The following STON2 variants were observed in gnomAD, a reference collection of about 807,000 sequenced individuals.
The protein encoded by STON2 is stonin 2, also known as stonin-2.
STON2 carries 29 observed loss-of-function variants against 65.7 expected under a neutral mutation model. That is an observed-to-expected ratio of 0.44 (90% CI 0.33 to 0.60). The LOEUF (loss-of-function observed/expected upper bound fraction) is 0.60. Among genes scored for constraint, STON2 ranks in the 20% least tolerant of loss-of-function variants. The probability of loss-of-function intolerance (pLI) is 0.03; values close to 1 mark genes in which losing one functional copy is unlikely to be tolerated. For missense variants in STON2, 1,054 were observed against 1,118.1 expected (o/e 0.94, Z 0.82); for synonymous variants, 404 against 414.2 (o/e 0.98, Z 0.30).
At chr14:81,316,425 T>C (rs562790347) in intron 5 of STON2, among the ~76,000 whole-genome samples, 3 of 152,310 alleles carry the variant, frequency 2.0e-5, no homozygotes, top group South Asian at 2.1e-4. Context: ...GATTTCCTTT[T>C]TTCCCATGGA....
intron 1 of STON2, among the ~76,000 whole-genome samples, chr14:81,428,878 G>A (rs1399620527): frequency 6.6e-6 from 1 of 152,216 alleles, no homozygotes; most frequent in Non-Finnish European, 1.5e-5. Context: ...GGACTATCAA[G>A]CTGGCAATGG....
At chr14:81,395,685 A>G (rs1900279208) in intron 3 of STON2, 6 of 586,566 alleles carry the variant, frequency 1.0e-5, no homozygotes, top group Non-Finnish European at 1.8e-5. Context: ...GAAATGTCCT[A>G]GAACACATAC....
chr14:81,435,726 C>T (rs1486478987), intron 1 of STON2, among the ~76,000 whole-genome samples: 1 of 152,070 alleles, frequency 6.6e-6, no homozygotes, highest in Non-Finnish European at 1.5e-5. Context: ...CACGCACTCT[C>T]ATCTTCAACT....
chr14:81,398,358 C>T lies in STON2; in HGVS notation c.25G>A (p.Ala9Thr), dbSNP rs1445689027. Residue 9 changes from alanine to threonine, a missense_variant, in exon 2 of 8, where the codon GCC becomes ACC. Physicochemically the swap from Ala to Thr is moderately conservative, Grantham distance 58. Coordinates refer to ENST00000614646, the MANE Select transcript of STON2 (RefSeq NM_001394390.1). ...GAGACCCATTCTGACTGGTGGGTGG[C>T]AATCACATGGTCCAAAGTCGTCATG... MTTLDHVI[A>T]THQSEWVSFN... 3.7e-6 allele frequency: 6 copies of T among 1,613,860 alleles called. No homozygotes were observed. Among genetic ancestry groups the T allele is most frequent in the Non-Finnish European group, 5.1e-6 (6 of 1,179,966 alleles).
chr14:81,378,852 A>C (rs887382914), intron 3 of STON2, among the ~76,000 whole-genome samples: 1 of 152,244 alleles, frequency 6.6e-6, no homozygotes, highest in Non-Finnish European at 1.5e-5. Flanking sequence ...CATAGTATAG[A>C]AAAAGCACTA....
At chr14:81,300,036 A>G (rs1895911467) in intron 5 of STON2, among the ~76,000 whole-genome samples, 1 of 152,172 alleles carries the variant, frequency 6.6e-6, no homozygotes, top group African/African-American at 2.4e-5. Context: ...GTAGGACTCA[A>G]AACTACCAAA....
chr14:81,407,687 T>C (rs1394411140), intron 2 of STON2, among the ~76,000 whole-genome samples: 3 of 152,196 alleles, frequency 2.0e-5, no homozygotes, highest in Non-Finnish European at 4.4e-5. Flanking sequence ...CTCAGTTTTC[T>C]CTTGAATAAG....
chr14:81,288,243 T>C (rs1354711880), intron 5 of STON2, among the ~76,000 whole-genome samples: 1 of 152,262 alleles, frequency 6.6e-6, no homozygotes, highest in Non-Finnish European at 1.5e-5. Context: ...TCGCCATTGT[T>C]GGTTAATGAC....
intron 2 of STON2, among the ~76,000 whole-genome samples, chr14:81,424,310 G>A (rs1257911806): frequency 6.6e-6 from 1 of 152,060 alleles, no homozygotes; most frequent in Non-Finnish European, 1.5e-5. Context: ...TGGGAGTGGT[G>A]GCGCACACCT....
chr14:81,373,784 G>A (rs1355772534), intron 3 of STON2, among the ~76,000 whole-genome samples: 2 of 152,138 alleles, frequency 1.3e-5, no homozygotes, highest in Non-Finnish European at 2.9e-5. Context: ...TCCACCCTTA[G>A]CTGAAGATAG....
intron 1 of STON2, among the ~76,000 whole-genome samples, chr14:81,429,165 A>T (rs939547082): frequency 1.3e-5 from 2 of 152,216 alleles, no homozygotes; most frequent in African/African-American, 4.8e-5. Context: ...GAGTAGGAGA[A>T]ATCCTATCTA....
chr14:81,292,617 C>G (rs1170285526), intron 5 of STON2, among the ~76,000 whole-genome samples: 1 of 152,132 alleles, frequency 6.6e-6, no homozygotes, highest in Non-Finnish European at 1.5e-5. Context: ...GGTTCCCCTT[C>G]CATCATGTTT....
intron 6 of STON2, among the ~76,000 whole-genome samples, chr14:81,271,424 T>G (rs1299572191): frequency 6.6e-6 from 1 of 152,214 alleles, no homozygotes; most frequent in Non-Finnish European, 1.5e-5. Flanking sequence ...TATGGAACAC[T>G]GGACAAAACA....
In STON2 at chr14:81,344,614, CAT is replaced by C. The variant is rs574304972; in HGVS notation, c.572-20429_572-20428del. On this transcript the variant is annotated intron_variant, in intron 4 of 7. Coordinates refer to ENST00000614646, the MANE Select transcript of STON2 (RefSeq NM_001394390.1). ...CACTGCAGTACTGTACACACAGCCA[CAT>C]GTCTAATTACTTCCTTGGGATAAAC... 1.6e-3 allele frequency among the ~76,000 whole-genome samples: 244 copies of C among 152,298 alleles called. 1 individual carries two copies. Among genetic ancestry groups the C allele is most frequent in the African/African-American group, 5.5e-3 (229 of 41,556 alleles).
chr14:81,414,763 C>G (rs1468025974), intron 2 of STON2, among the ~76,000 whole-genome samples: 1 of 151,882 alleles, frequency 6.6e-6, no homozygotes, highest in Non-Finnish European at 1.5e-5. Context: ...GACACCGCAG[C>G]CCATTTAATA....
chr14:81,399,390 C>G (rs1276442644), intron 1 of STON2, among the ~76,000 whole-genome samples: 2 of 152,184 alleles, frequency 1.3e-5, no homozygotes, highest in Non-Finnish European at 2.9e-5. Context: ...AGAAGAGCTA[C>G]TATATACCTT....
At chr14:81,270,407 T>C in intron 7 of STON2, 1 of 1,400,168 alleles carries the variant, frequency 7.1e-7, no homozygotes, top group Non-Finnish European at 9.3e-7. Flanking sequence ...TTTGTTGTCA[T>C]TGCTCATAAT....
chr14:81,311,438 T>C (rs1896423031), intron 5 of STON2, among the ~76,000 whole-genome samples: 1 of 152,188 alleles, frequency 6.6e-6, no homozygotes, highest in East Asian at 1.9e-4. Flanking sequence ...AAAGGCTGAA[T>C]ATCTCTTCAA....
intron 5 of STON2, among the ~76,000 whole-genome samples, chr14:81,280,959 C>T (rs918289529): frequency 6.1e-5 from 9 of 148,124 alleles, no homozygotes; most frequent in Admixed American, 5.4e-4. Context: ...TGCAGTGAGC[C>T]GAGATGGCGC....
Sources: allele counts gnomAD v4.1 joint callset (sites outside exome capture counted in the v4.1 genomes callset), GRCh38; gene constraint gnomAD v4.1.1; transcripts MANE v1.5; gene names NCBI Gene and HGNC (gene_info 2026-07-23, HGNC 2026-07-21).